The following B3GALT1 variants were observed in gnomAD, a reference collection of about 807,000 sequenced individuals.
B3GALT1 encodes beta-1,3-galactosyltransferase 1.
In B3GALT1, 10 loss-of-function variants were observed where a neutral mutation model predicts 23.2. The observed-to-expected ratio is 0.43, with a 90% CI of 0.27 to 0.73. The LOEUF (loss-of-function observed/expected upper bound fraction) is 0.73. B3GALT1 is among the 30% of genes least tolerant of loss of function. The pLI, the probability that B3GALT1 is intolerant of heterozygous loss-of-function variation, is 0.21. For missense variants in B3GALT1, 299 were observed against 405.4 expected (o/e 0.74, Z 2.25); for synonymous variants, 156 against 141.5 (o/e 1.10, Z -0.73).
Position 167,701,911 on chromosome 2 carries a change from T to C in B3GALT1, c.-352+54945T>C, listed in dbSNP as rs138457685. Reference sequence around the variant, plus strand: ...ACTACTGCACTGCATTTGGACCTGTTAACACCTGTGATAATTTCTCATCCA... The same window carrying C: ...ACTACTGCACTGCATTTGGACCTGTCAACACCTGTGATAATTTCTCATCCA... On this transcript the variant is annotated intron_variant, in intron 3 of 4. Transcript: ENST00000392690. Among the ~76,000 whole-genome samples, 194 of 152,342 alleles carry C rather than the reference T, an allele frequency of 1.3e-3. 1 individual carries two copies. Among genetic ancestry groups the C allele is most frequent in the Middle Eastern group, 6.8e-3 (2 of 294 alleles).
intron 2 of B3GALT1, among the ~76,000 whole-genome samples, chr2:167,573,250 TA>T (rs1227676777): frequency 2.0e-5 from 3 of 151,772 alleles, no homozygotes; most frequent in Non-Finnish European, 4.4e-5. Context: ...TTTACAGAAA[TA>T]GTCTTTGGGT....
intron 3 of B3GALT1, among the ~76,000 whole-genome samples, chr2:167,672,632 C>T (rs896086855): frequency 2.0e-5 from 3 of 152,152 alleles, no homozygotes; most frequent in Non-Finnish European, 4.4e-5. Flanking sequence ...GGCCAAATCA[C>T]TTCACTCATA....
intron 2 of B3GALT1, among the ~76,000 whole-genome samples, chr2:167,528,741 A>G (rs1683266860): frequency 6.6e-6 from 1 of 152,176 alleles, no homozygotes; most frequent in Admixed American, 6.6e-5. Flanking sequence ...GGATACAGAA[A>G]GGAAATCTTA....
chr2:167,855,892 T>C (rs1689991967), intron 4 of B3GALT1, among the ~76,000 whole-genome samples: 1 of 152,094 alleles, frequency 6.6e-6, no homozygotes, highest in African/African-American at 2.4e-5. Context: ...ACCTATACCA[T>C]CTGTTCAGAA....
intron 2 of B3GALT1, among the ~76,000 whole-genome samples, chr2:167,611,185 T>G (rs1392541613): frequency 6.6e-6 from 1 of 152,024 alleles, no homozygotes; most frequent in East Asian, 1.9e-4. Flanking sequence ...GAACCAGTTA[T>G]CTGATTAACT....
chr2:167,835,977 T>C (rs1689458476), intron 4 of B3GALT1, among the ~76,000 whole-genome samples: 2 of 152,160 alleles, frequency 1.3e-5, no homozygotes, highest in Admixed American at 1.3e-4. Flanking sequence ...CCTGTCTGTT[T>C]GTTAGAAGGA....
intron 2 of B3GALT1, among the ~76,000 whole-genome samples, chr2:167,491,897 A>G (rs912668059): frequency 3.3e-5 from 5 of 152,156 alleles, no homozygotes; most frequent in Admixed American, 2.6e-4. Flanking sequence ...TTCTCGCTCA[A>G]TCCACACTCA....
At chr2:167,539,704 C>A (rs1237821174) in intron 2 of B3GALT1, among the ~76,000 whole-genome samples, 1 of 151,924 alleles carries the variant, frequency 6.6e-6, no homozygotes, top group African/African-American at 2.4e-5. Flanking sequence ...TAAAAATAGC[C>A]TTCTTTCTAT....
intron 2 of B3GALT1, among the ~76,000 whole-genome samples, chr2:167,612,743 T>C (rs1009820558): frequency 4.6e-5 from 7 of 151,968 alleles, no homozygotes; most frequent in African/African-American, 7.2e-5. Context: ...AAGAATAACA[T>C]GTTAGTACTG....
chr2:167,442,951 A>C (rs1007668557), intron 1 of B3GALT1, among the ~76,000 whole-genome samples: 5 of 149,232 alleles, frequency 3.4e-5, no homozygotes, highest in Non-Finnish European at 7.4e-5. Context: ...GTCCTTGCCC[A>C]TGCCTATGTC....
chr2:167,614,857 G>A (rs1046249651), intron 2 of B3GALT1, among the ~76,000 whole-genome samples: 7 of 152,044 alleles, frequency 4.6e-5, no homozygotes, highest in South Asian at 2.1e-4. Flanking sequence ...TAGATCAATA[G>A]ATAGATGGAT....
At chr2:167,517,280 A>G (rs1700112064) in intron 2 of B3GALT1, among the ~76,000 whole-genome samples, 1 of 151,808 alleles carries the variant, frequency 6.6e-6, no homozygotes, top group African/African-American at 2.4e-5. Context: ...CTTTCTCTTT[A>G]GGGCTAAAAG....
At chr2:167,432,278 A>G (rs1337775295) in intron 1 of B3GALT1, among the ~76,000 whole-genome samples, 1 of 152,196 alleles carries the variant, frequency 6.6e-6, no homozygotes, top group Non-Finnish European at 1.5e-5. Flanking sequence ...TGGGACACCA[A>G]TGGCTGTTGA....
intron 1 of B3GALT1, among the ~76,000 whole-genome samples, chr2:167,398,593 T>G (rs1698137794): frequency 6.6e-6 from 1 of 152,228 alleles, no homozygotes; most frequent in Non-Finnish European, 1.5e-5. Context: ...TAAAATGTTA[T>G]GAAAGACACA....
At chr2:167,560,539 G>A (rs1279852949) in intron 2 of B3GALT1, among the ~76,000 whole-genome samples, 1 of 152,180 alleles carries the variant, frequency 6.6e-6, no homozygotes, top group South Asian at 2.1e-4. Context: ...AGACCCATCA[G>A]CATGCTGTAT....
chr2:167,868,105 A>G (rs1442499746), intron 4 of B3GALT1, among the ~76,000 whole-genome samples: 1 of 152,258 alleles, frequency 6.6e-6, no homozygotes, highest in African/African-American at 2.4e-5. Flanking sequence ...ACTCCAAAAT[A>G]AATGCTGCCA....
chr2:167,783,724 G>C (rs1218538099), intron 3 of B3GALT1, among the ~76,000 whole-genome samples: 1 of 152,186 alleles, frequency 6.6e-6, no homozygotes, highest in Non-Finnish European at 1.5e-5. Flanking sequence ...GGGAAATAGA[G>C]GTCAAAGAGA....
At chr2:167,456,211 T>A (rs1463564065) in intron 1 of B3GALT1, among the ~76,000 whole-genome samples, 1 of 152,102 alleles carries the variant, frequency 6.6e-6, no homozygotes, top group African/African-American at 2.4e-5. Context: ...GAAGCAAGCA[T>A]GTCACATGGC....
At chr2:167,360,529 C>T (rs2105262436) in intron 1 of B3GALT1, among the ~76,000 whole-genome samples, 1 of 152,248 alleles carries the variant, frequency 6.6e-6, no homozygotes. Flanking sequence ...ATGCAATTTC[C>T]TGGGCCTCAC....
Sources: allele counts gnomAD v4.1 joint callset (sites outside exome capture counted in the v4.1 genomes callset), GRCh38; gene constraint gnomAD v4.1.1; transcripts MANE v1.5; gene names NCBI Gene and HGNC (gene_info 2026-07-23, HGNC 2026-07-21).